Variants in USP34 observed in about 807,000 individuals in gnomAD.
USP34 encodes the protein ubiquitin specific peptidase 34, also known as ubiquitin carboxyl-terminal hydrolase 34.
USP34 carries 70 observed loss-of-function variants against 460.3 expected under a neutral mutation model. That is an observed-to-expected ratio of 0.15 (90% CI 0.13 to 0.19). The LOEUF (loss-of-function observed/expected upper bound fraction) is 0.19. Ranked by LOEUF, USP34 falls within the 10% of genes least tolerant of loss-of-function variation. USP34 has a pLI of 1.00. For synonymous variants in USP34, 1,647 were observed against 1,405.3 expected, an observed-to-expected ratio of 1.17 and a Z score of -3.85; for missense variants, 3,985 against 4,236.2, an observed-to-expected ratio of 0.94 and a Z score of 1.65.
intron 48 of USP34, among the ~76,000 whole-genome samples, chr2:61,250,914 G>A (rs560471862): frequency 3.3e-5 from 5 of 152,236 alleles, no homozygotes; most frequent in South Asian, 4.2e-4. Flanking sequence ...TGGAGCAGGC[G>A]GATCATGAGG....
intron 43 of USP34, 92 bp from the exon 44 acceptor site, chr2:61,259,868 ATC>A (rs1271610202): frequency 1.1e-5 from 12 of 1,093,830 alleles, no homozygotes; most frequent in Admixed American, 4.3e-5. Context: ...TGTACACTGT[ATC>A]TGTTTTCATT....
At chr2:61,281,682 A>T (rs994108988) in intron 37 of USP34, among the ~76,000 whole-genome samples, 2 of 152,216 alleles carry the variant, frequency 1.3e-5, no homozygotes, top group African/African-American at 4.8e-5. Context: ...CAAATAAAGT[A>T]TCTCAAGGTA....
chr2:61,355,631 C>CA lies in USP34; in HGVS notation c.1252-4939dup, dbSNP rs1553375490. On this transcript the variant is annotated intron_variant, in intron 10 of 79. Coordinates refer to ENST00000398571, the MANE Select transcript of USP34 (RefSeq NM_014709.4). ...ACAAAAACAACAACAACAACAACAA[C>CA]AACAAACAAACACAAACCACCAAAA... Among the ~76,000 whole-genome samples, 809 of 151,410 alleles carry CA rather than the reference C, an allele frequency of 5.3e-3. 4 individuals are homozygous for CA. The highest frequency in any genetic ancestry group is 0.018 in the African/African-American group (736 of 41,216).
At chr2:61,373,174 T>C (rs1488276036) in intron 8 of USP34, among the ~76,000 whole-genome samples, 1 of 152,122 alleles carries the variant, frequency 6.6e-6, no homozygotes, top group Non-Finnish European at 1.5e-5. Context: ...ATTAAGATAT[T>C]TTTTAAATCA....
chr2:61,314,006 A>G (rs1046963341), intron 25 of USP34, among the ~76,000 whole-genome samples: 1 of 152,010 alleles, frequency 6.6e-6, no homozygotes, highest in Non-Finnish European at 1.5e-5. Flanking sequence ...CTCACCTTTC[A>G]TTTCAGTCGA....
chr2:61,339,713 T>A, intron 16 of USP34, 32 bp from the exon 17 acceptor site: 1 of 1,194,238 alleles, frequency 8.4e-7, no homozygotes. Flanking sequence ...AGACACACTA[T>A]AGAGAAATGC....
At chr2:61,238,684 C>T (rs1358371267) in intron 53 of USP34, among the ~76,000 whole-genome samples, 1 of 152,010 alleles carries the variant, frequency 6.6e-6, no homozygotes, top group Non-Finnish European at 1.5e-5. Context: ...TTTAAGAAAA[C>T]ATGTAGGCAC....
chr2:61,231,857 AATAT>A (rs1449118152), intron 58 of USP34, among the ~76,000 whole-genome samples: 4 of 149,082 alleles, frequency 2.7e-5, no homozygotes, highest in African/African-American at 9.8e-5. Flanking sequence ...TAAATTTATA[AATAT>A]ATAAATATGA....
intron 27 of USP34, 89 bp downstream of exon 27, chr2:61,311,451 A>G: frequency 1.0e-5 from 2 of 191,300 alleles, no homozygotes; most frequent in Non-Finnish European, 1.6e-5. Context: ...AAGGAGAATA[A>G]AAGAAAAGGA....
Position 61,470,845 on chromosome 2 carries a change from G to C in USP34, c.-153C>G. ...GGCGGCGGCGGGGACGGGGCGGGGA[G>C]CAAGAGAATGGGGGAGGGGGCCGGC... On this transcript the variant is annotated 5_prime_UTR_variant, in exon 1 of 80. Transcript: ENST00000398571. 1 of 299,004 alleles carries C rather than the reference G, an allele frequency of 3.3e-6. No individual in the cohort carries two copies. Among genetic ancestry groups the C allele is most frequent in the Non-Finnish European group, 6.6e-6 (1 of 152,472 alleles). 18.5% of individuals were successfully genotyped at this position (299,004 alleles called of 1,614,324 possible). A position where few individuals can be genotyped will look rare whatever the true frequency, so the allele number is the denominator to read the frequency against.
intron 75 of USP34, among the ~76,000 whole-genome samples, chr2:61,195,603 C>T (rs1484235116): frequency 6.6e-6 from 1 of 151,958 alleles, no homozygotes; most frequent in Middle Eastern, 3.2e-3. Context: ...ACCCAGGAGG[C>T]AGAAGTTGCA....
Position 61,263,812 on chromosome 2 carries a change from T to C in USP34, c.5778+1585A>G, listed in dbSNP as rs571603162. Among the ~76,000 whole-genome samples the C allele has an allele frequency of 1.4e-3, 216 of 152,246 alleles. 2 individuals carry two copies. Among genetic ancestry groups the C allele is most frequent in the Admixed American group, 0.011 (171 of 15,298 alleles). ...CTAATTTTTGTATATCTGGTAGAGATAGGGTTTCACCATACTGGCCAAGCT... is the reference window on the plus strand; with the variant it reads ...CTAATTTTTGTATATCTGGTAGAGACAGGGTTTCACCATACTGGCCAAGCT... On this transcript the variant is annotated intron_variant, in intron 43 of 79. Transcript: ENST00000398571.
Position 61,214,750 on chromosome 2 carries a change from C to G in USP34, c.8048-56G>C, listed in dbSNP as rs1687353333. ...CTTGTAAGATATAAAATAGACTGAACAGCAGTCATTAATCACAAAGCCACT... is the reference window on the plus strand; with the variant it reads ...CTTGTAAGATATAAAATAGACTGAAGAGCAGTCATTAATCACAAAGCCACT... On this transcript the variant is annotated intron_variant, in intron 67 of 79. Coordinates refer to ENST00000398571, the MANE Select transcript of USP34 (RefSeq NM_014709.4). 3 of 1,559,754 alleles carry G rather than the reference C, an allele frequency of 1.9e-6. No individual in the cohort carries two copies. The Admixed American group carries it at 5.8e-5, about 30-fold the overall frequency.
Position 61,344,924 on chromosome 2 carries a change from T to C in USP34, c.2286-895A>G, listed in dbSNP as rs1691718073. 2.6e-5 allele frequency among the ~76,000 whole-genome samples: 4 copies of C among 152,120 alleles called. No individual in the cohort carries two copies. In the South Asian group the frequency reaches 8.3e-4, roughly 32 times the overall value. ...TAAGGCTCAGTATAGTGGCAAACATTCTGCAATGCACAGGGCAACATTAGC... is the reference window on the plus strand; with the variant it reads ...TAAGGCTCAGTATAGTGGCAAACATCCTGCAATGCACAGGGCAACATTAGC... On this transcript the variant is annotated intron_variant, in intron 15 of 79. Transcript: ENST00000398571.
At chr2:61,346,474 T>A (rs1221918744) in intron 15 of USP34, 3 of 140,642 alleles carry the variant, frequency 2.1e-5, no homozygotes, top group African/African-American at 8.1e-5. Flanking sequence ...TACGGTGAGC[T>A]ATGATCACAT....
intron 41 of USP34, among the ~76,000 whole-genome samples, chr2:61,269,880 C>G (rs1291885185): frequency 6.6e-6 from 1 of 151,848 alleles, no homozygotes; most frequent in Non-Finnish European, 1.5e-5. Flanking sequence ...TTTGGAATAC[C>G]TGTGATTTCA....
At chr2:61,258,547 A>G (rs1375465261) in intron 44 of USP34, among the ~76,000 whole-genome samples, 1 of 152,260 alleles carries the variant, frequency 6.6e-6, no homozygotes, top group East Asian at 1.9e-4. Flanking sequence ...AGAGTGACAC[A>G]GGTAGGAAAC....
At chr2:61,293,775 G>A (rs2103620559) in intron 32 of USP34, among the ~76,000 whole-genome samples, 1 of 152,238 alleles carries the variant, frequency 6.6e-6, no homozygotes, top group South Asian at 2.1e-4. Flanking sequence ...AGAACTTTGG[G>A]AGGCCAAAGC....
chr2:61,470,896 G>A lies in USP34; in HGVS notation c.-204C>T, dbSNP rs1373103654. ...GGTCCCCGCAGCGGGAGGGGGAGAG[G>A]AGGGGAGCGAGGGGAGGTGCGCAGG... On this transcript the variant is annotated 5_prime_UTR_variant, in exon 1 of 80. Transcript: ENST00000398571. 6 of 252,826 alleles carry A rather than the reference G, an allele frequency of 2.4e-5. No homozygotes were observed. Among genetic ancestry groups the A allele is most frequent in the Non-Finnish European group, 4.6e-5 (6 of 131,668 alleles). 15.7% of individuals were successfully genotyped at this position (252,826 alleles called of 1,614,324 possible).
Sources: allele counts gnomAD v4.1 joint callset (sites outside exome capture counted in the v4.1 genomes callset), GRCh38; gene constraint gnomAD v4.1.1; transcripts MANE v1.5; gene names NCBI Gene and HGNC (gene_info 2026-07-23, HGNC 2026-07-21).